The following UCHL3 variants were observed in gnomAD, a reference collection of about 807,000 sequenced individuals.
UCHL3 encodes ubiquitin C-terminal hydrolase L3, also known as ubiquitin carboxyl-terminal hydrolase isozyme L3.
In UCHL3, 22 loss-of-function variants were observed where a neutral mutation model predicts 35.8. The ratio of observed to expected loss-of-function variants is 0.61; its 90% confidence interval spans 0.44 to 0.88. The LOEUF (loss-of-function observed/expected upper bound fraction) is 0.88, where lower values mean the gene tolerates loss of function less well. UCHL3 is among the 40% of genes least tolerant of loss of function. The probability of loss-of-function intolerance (pLI) is 0.00; values close to 1 mark genes in which losing one functional copy is unlikely to be tolerated. For synonymous variants in UCHL3, 90 were observed against 92.8 expected (o/e 0.97, Z 0.17); for missense variants, 229 against 276.9 (o/e 0.83, Z 1.23).
intron 7 of UCHL3, among the ~76,000 whole-genome samples, chr13:75,600,425 G>A (rs1247127904): frequency 6.6e-6 from 1 of 152,208 alleles, no homozygotes; most frequent in Non-Finnish European, 1.5e-5. Context: ...CAGGCTGATT[G>A]TCTTGTTAAT....
At chr13:75,592,457 T>TAC (rs2032533129) in intron 6 of UCHL3, among the ~76,000 whole-genome samples, 3 of 106,628 alleles carry the variant, frequency 2.8e-5, no homozygotes, top group Non-Finnish European at 6.3e-5. Context: ...TATATATATA[T>TAC]ATATATATAT....
chr13:75,553,223 G>C (rs1362712544), intron 2 of UCHL3, among the ~76,000 whole-genome samples: 1 of 152,152 alleles, frequency 6.6e-6, no homozygotes, highest in Non-Finnish European at 1.5e-5. Flanking sequence ...TGCCTTACCT[G>C]TTTTCCTTCT....
intron 6 of UCHL3, among the ~76,000 whole-genome samples, chr13:75,578,424 G>A (rs1461010543): frequency 6.6e-6 from 1 of 152,068 alleles, no homozygotes; most frequent in African/African-American, 2.4e-5. Context: ...ATGTGAAGTT[G>A]TCTTTCTTTC....
At chr13:75,561,022 C>T in intron 3 of UCHL3, 141 bp downstream of exon 3, 1 of 716,778 alleles carries the variant, frequency 1.4e-6, no homozygotes, top group South Asian at 3.1e-5. Context: ...TCTCAACCTC[C>T]CAGGCTCAAG....
At chr13:75,564,449 C>T (rs1340655755) in intron 3 of UCHL3, among the ~76,000 whole-genome samples, 3 of 152,038 alleles carry the variant, frequency 2.0e-5, no homozygotes, top group African/African-American at 7.3e-5. Flanking sequence ...TACGCCTGGC[C>T]TAAAGTGCAG....
chr13:75,601,526 A>G (rs983219527), intron 7 of UCHL3, among the ~76,000 whole-genome samples: 1 of 152,264 alleles, frequency 6.6e-6, no homozygotes, highest in African/African-American at 2.4e-5. Flanking sequence ...CTGAAGGCTG[A>G]GATGATCATT....
intron 3 of UCHL3, among the ~76,000 whole-genome samples, chr13:75,562,895 A>T (rs2031561971): frequency 1.3e-5 from 2 of 152,274 alleles, no homozygotes; most frequent in South Asian, 4.1e-4. Flanking sequence ...AATAACATGT[A>T]AGTAGAGAAT....
intron 7 of UCHL3, among the ~76,000 whole-genome samples, chr13:75,603,137 G>T (rs2032823319): frequency 6.6e-6 from 1 of 152,030 alleles, no homozygotes; most frequent in South Asian, 2.1e-4. Flanking sequence ...CTACAGACTT[G>T]TGCCACTATA....
intron 7 of UCHL3, among the ~76,000 whole-genome samples, chr13:75,596,339 A>G (rs2032645642): frequency 6.6e-6 from 1 of 152,198 alleles, no homozygotes; most frequent in African/African-American, 2.4e-5. Context: ...GGTAGTATAT[A>G]ATGGACCTCC....
chr13:75,603,608 C>T (rs1481421861), intron 7 of UCHL3, among the ~76,000 whole-genome samples: 1 of 151,870 alleles, frequency 6.6e-6, no homozygotes, highest in Non-Finnish European at 1.5e-5. Flanking sequence ...TGGGGTGGCA[C>T]ATAATGAATG....
intron 2 of UCHL3, among the ~76,000 whole-genome samples, chr13:75,558,912 T>TGCAGGAAGTGGAGAAAGGA (rs1343109673): frequency 6.6e-6 from 1 of 152,066 alleles, no homozygotes; most frequent in Non-Finnish European, 1.5e-5. Context: ...CTAGGAAGCT[T>TGCAGGAAGTGGAGAAAGGA]GCAGGAAGTG....
chr13:75,567,641 G>A (rs991969792), intron 5 of UCHL3, among the ~76,000 whole-genome samples: 7 of 151,792 alleles, frequency 4.6e-5, no homozygotes, highest in Admixed American at 3.9e-4. Context: ...TCTGCCTCCT[G>A]GGTTCAAGCA....
chr13:75,592,474 A>G (rs1344032903), intron 6 of UCHL3, among the ~76,000 whole-genome samples: 1 of 85,558 alleles, frequency 1.2e-5, no homozygotes, highest in African/African-American at 3.4e-5. Flanking sequence ...ATATGAAGGA[A>G]AAAAGATCCC....
At chr13:75,564,943 C>A (rs557437302) in intron 3 of UCHL3, among the ~76,000 whole-genome samples, 12 of 151,800 alleles carry the variant, frequency 7.9e-5, no homozygotes, top group African/African-American at 2.7e-4. Flanking sequence ...TGATCCACCC[C>A]CTTCAGCCTC....
chr13:75,600,444 T>C (rs768187109), intron 7 of UCHL3, among the ~76,000 whole-genome samples: 2 of 152,178 alleles, frequency 1.3e-5, no homozygotes, highest in Non-Finnish European at 2.9e-5. Context: ...ATGCAGACGG[T>C]GACTTTCAGT....
chr13:75,595,342 A>T (rs2032615563), intron 7 of UCHL3, among the ~76,000 whole-genome samples: 1 of 152,108 alleles, frequency 6.6e-6, no homozygotes, highest in Admixed American at 6.5e-5. Context: ...GTTTTAAAAG[A>T]TAGTGTAATA....
intron 6 of UCHL3, among the ~76,000 whole-genome samples, chr13:75,582,232 A>G (rs2032207669): frequency 6.6e-6 from 1 of 152,220 alleles, no homozygotes; most frequent in South Asian, 2.1e-4. Context: ...TTAAATCAGA[A>G]TTAATGCTTA....
chr13:75,552,821 C>T (rs2031158802), intron 2 of UCHL3, among the ~76,000 whole-genome samples: 1 of 152,136 alleles, frequency 6.6e-6, no homozygotes, highest in African/African-American at 2.4e-5. Flanking sequence ...TTATTTATGA[C>T]CGTACTAAAT....
chr13:75,567,694 C>T (rs761782262), intron 5 of UCHL3, among the ~76,000 whole-genome samples: 1 of 151,890 alleles, frequency 6.6e-6, no homozygotes, highest in Non-Finnish European at 1.5e-5. Flanking sequence ...ATTTCAGGTG[C>T]GTGGCACCAC....
Sources: gnomAD v4.1 joint callset for allele counts (sites outside exome capture counted in the v4.1 genomes callset) on GRCh38, gnomAD v4.1.1 for gene constraint, MANE v1.5 for transcripts, NCBI Gene and HGNC (gene_info 2026-07-23, HGNC 2026-07-21) for gene names.